The following TESPA1 variants were observed in gnomAD, a reference collection of about 807,000 sequenced individuals.
TESPA1 encodes thymocyte expressed, positive selection associated 1, also known as protein TESPA1.
TESPA1 carries 33 observed loss-of-function variants against 57.9 expected under a neutral mutation model. The observed-to-expected ratio is 0.57, with a 90% confidence interval of 0.43 to 0.76. TESPA1 has a LOEUF of 0.76. Among genes scored for constraint, TESPA1 ranks in the 30% least tolerant of loss-of-function variants. TESPA1 has a pLI of 0.00. For synonymous variants in TESPA1, 227 were observed against 228.9 expected (o/e 0.99, Z 0.07); for missense variants, 618 against 632.9 (o/e 0.98, Z 0.25).
intron 10 of TESPA1, among the ~76,000 whole-genome samples, chr12:54,954,215 T>C (rs1455273630): frequency 6.6e-6 from 1 of 152,230 alleles, no homozygotes; most frequent in Non-Finnish European, 1.5e-5. Flanking sequence ...CGGCCTTGGC[T>C]TGGATCTCAG....
rs775998366 is a variant in TESPA1 at position 54,974,605 on chromosome 12, G to A, written c.-43C>T. On this transcript the variant is annotated splice_region_variant and 5_prime_UTR_variant, in exon 2 of 11. The change creates a new upstream start codon in the 5' untranslated region. Coordinates refer to ENST00000449076, the MANE Select transcript of TESPA1 (RefSeq NM_001136030.3). ...CAGGGCCTCCCGTAACAGTAATGCC[G>A]TCCTAAGAGTTGAAAAACAGTGATA... 5.3e-5 allele frequency: 77 copies of A among 1,457,752 alleles called. No homozygotes were observed. Among genetic ancestry groups the A allele is most frequent in the Non-Finnish European group, 5.9e-5 (65 of 1,098,032 alleles). 90.3% of individuals were successfully genotyped at this position (1,457,752 alleles called of 1,614,324 possible). A position where few individuals can be genotyped will look rare whatever the true frequency, so the allele number is the denominator to read the frequency against.
rs1952430849 is a variant in TESPA1, at chr12:54,984,675, G to A, written c.-136C>T. Reference sequence around the variant, plus strand: ...AGGTGTGGGCACAGAGGTGAAGCAAGTGAGAAAGTATCATGTTGTAGATTA... The same window carrying A: ...AGGTGTGGGCACAGAGGTGAAGCAAATGAGAAAGTATCATGTTGTAGATTA... On this transcript the variant is annotated 5_prime_UTR_variant, in exon 1 of 11. Transcript: ENST00000449076. The A allele has an allele frequency of 6.6e-6, 1 of 152,266 alleles. No individual in the cohort carries two copies. The highest frequency in any genetic ancestry group is 1.5e-5 in the Non-Finnish European group (1 of 68,058). The allele number at this position is 152,266 out of a possible 1,614,324, so 9.4% of individuals were successfully genotyped here. A position where few individuals can be genotyped will look rare whatever the true frequency, so the allele number is the denominator to read the frequency against.
intron 10 of TESPA1, among the ~76,000 whole-genome samples, chr12:54,952,986 C>T (rs943492939): frequency 3.3e-5 from 5 of 151,922 alleles, no homozygotes; most frequent in African/African-American, 1.2e-4. Flanking sequence ...GATATTTTAC[C>T]TCCTGAATAT....
chr12:54,973,929 A>G, intron 2 of TESPA1: 2 of 1,036,864 alleles, frequency 1.9e-6, no homozygotes, highest in Non-Finnish European at 2.3e-6. Context: ...CTGTGGTCTC[A>G]TCTGAACCTC....
intron 1 of TESPA1, among the ~76,000 whole-genome samples, chr12:54,977,539 G>C (rs548550167): frequency 6.6e-6 from 1 of 152,338 alleles, no homozygotes; most frequent in African/African-American, 2.4e-5. Flanking sequence ...CCTATGTACA[G>C]AAGTTTTACT....
rs1324688293 is a variant in TESPA1, at chr12:54,948,948, T to G, written c.*1444A>C. 1 of 152,194 alleles carries G rather than the reference T, an allele frequency of 6.6e-6. No homozygotes were observed. The highest frequency in any genetic ancestry group is 2.4e-5 in the African/African-American group (1 of 41,446). The allele number at this position is 152,194 out of a possible 1,614,324, so 9.4% of individuals were successfully genotyped here. On this transcript the variant is annotated 3_prime_UTR_variant, in exon 11 of 11. Coordinates refer to ENST00000449076, the MANE Select transcript of TESPA1 (RefSeq NM_001136030.3). ...TCTATTTCTTGAGATCTAAATCTTC[T>G]TCCAGCCTCTTCCCAGTTTTACAAC...
Position 54,949,492 on chromosome 12 carries a change from G to A in TESPA1, c.*900C>T, listed in dbSNP as rs998887585. 6.6e-6 allele frequency: 1 copy of A among 151,610 alleles called. No individual in the cohort carries two copies. Among genetic ancestry groups the A allele is most frequent in the Non-Finnish European group, 1.5e-5 (1 of 67,948 alleles). The allele number at this position is 151,610 out of a possible 1,614,324, so 9.4% of individuals were successfully genotyped here. A position where few individuals can be genotyped will look rare whatever the true frequency, so the allele number is the denominator to read the frequency against. On this transcript the variant is annotated 3_prime_UTR_variant, in exon 11 of 11. Transcript: ENST00000449076. ...TCTATTAATATTAATATTTTCTCAG[G>A]GGAGAAATGTGTCCAAGATGCTCTG...
chr12:54,977,248 C>T (rs1166481660), intron 1 of TESPA1, among the ~76,000 whole-genome samples: 1 of 152,088 alleles, frequency 6.6e-6, no homozygotes, highest in Admixed American at 6.5e-5. Context: ...TTAATGAATA[C>T]TCATTGTCTA....
chr12:54,967,400 T>C (rs1951512448), intron 4 of TESPA1, among the ~76,000 whole-genome samples, 164 bp from the exon 5 acceptor site: 1 of 149,846 alleles, frequency 6.7e-6, no homozygotes, highest in African/African-American at 2.5e-5. Flanking sequence ...CCACAAACTG[T>C]ACATATATCA....
chr12:54,961,908 C>T (rs899808734), intron 9 of TESPA1, among the ~76,000 whole-genome samples: 1 of 152,130 alleles, frequency 6.6e-6, no homozygotes, highest in African/African-American at 2.4e-5. Flanking sequence ...TGCAAGGTCC[C>T]TTATGGTATA....
At chr12:54,983,325 C>T (rs567495936) in intron 1 of TESPA1, among the ~76,000 whole-genome samples, 1 of 152,104 alleles carries the variant, frequency 6.6e-6, no homozygotes, top group South Asian at 2.1e-4. Context: ...CTTTCTATCC[C>T]TTCTGCTATA....
rs1951249842 is a variant in TESPA1, at chr12:54,963,949, T to C, written c.448A>G (p.Ile150Val). 1 of 1,612,432 alleles carries C rather than the reference T, an allele frequency of 6.2e-7. No homozygotes were observed. Among genetic ancestry groups the C allele is most frequent in the South Asian group, 1.1e-5 (1 of 91,064 alleles). The change falls in exon 8 of 11, where the codon ATC (isoleucine) becomes GTC (valine). Residue 150 changes from isoleucine (I) to valine (V), a missense_variant and splice_region_variant. By Grantham distance (29) the Ile-to-Val change is conservative. Around this residue, in one of 3 missense-constraint regions of TESPA1, gnomAD observed 199 missense variants for 184.0 expected, o/e 1.08. Transcript: ENST00000449076. Reference protein sequence around the residue: ...TGGTNKTSSSISEILDKVQED... With the variant: ...TGGTNKTSSSVSEILDKVQED... Reference sequence around the variant, plus strand: ...TGCACTTTGTCCAGAATTTCTGAGATGCTGAAATGAGGGAGTTTGGGTAAA... The same window carrying C: ...TGCACTTTGTCCAGAATTTCTGAGACGCTGAAATGAGGGAGTTTGGGTAAA...
intron 6 of TESPA1, 77 bp from the exon 7 acceptor site, chr12:54,966,228 T>C: frequency 1.3e-6 from 2 of 1,563,228 alleles, no homozygotes; most frequent in Non-Finnish European, 1.7e-6. Flanking sequence ...CCTGCTGGAC[T>C]TATTCACCCC....
intron 1 of TESPA1, among the ~76,000 whole-genome samples, chr12:54,981,547 G>A (rs1952324817): frequency 6.6e-6 from 1 of 151,366 alleles, no homozygotes; most frequent in Non-Finnish European, 1.5e-5. Flanking sequence ...TTGTGCACGT[G>A]TACCCTAGAA....
At chr12:54,964,082 CTT>C in intron 7 of TESPA1, 132 bp from the exon 8 acceptor site, 1 of 949,360 alleles carries the variant, frequency 1.1e-6, no homozygotes, top group South Asian at 1.7e-5. Flanking sequence ...TTCACTGTGA[CTT>C]TGAGAAAAGC....
chr12:54,976,492 G>C (rs941890496), intron 1 of TESPA1, among the ~76,000 whole-genome samples: 1 of 152,048 alleles, frequency 6.6e-6, no homozygotes, highest in Non-Finnish European at 1.5e-5. Flanking sequence ...CAGGAAACCA[G>C]GAAGCCAGGA....
At chr12:54,967,444 C>T (rs751322749) in intron 4 of TESPA1, among the ~76,000 whole-genome samples, 9 of 151,456 alleles carry the variant, frequency 5.9e-5, no homozygotes, top group Non-Finnish European at 1.3e-4. Flanking sequence ...GATTCAGAAA[C>T]AATCATACAT....
intron 10 of TESPA1, among the ~76,000 whole-genome samples, chr12:54,957,867 T>A (rs911089621): frequency 1.3e-5 from 2 of 152,202 alleles, no homozygotes; most frequent in Non-Finnish European, 2.9e-5. Context: ...AAAAGACAAC[T>A]AAATTGGCTG....
At chr12:54,984,519 C>T (rs1459839378) in intron 1 of TESPA1, 66 bp downstream of exon 1, 2 of 152,158 alleles carry the variant, frequency 1.3e-5, no homozygotes, top group Non-Finnish European at 2.9e-5. Context: ...TGACATGTTT[C>T]CTTCTTTCTC....
Sources: allele counts gnomAD v4.1 joint callset (sites outside exome capture counted in the v4.1 genomes callset), GRCh38; gene constraint gnomAD v4.1.1; regional missense constraint gnomAD v4.1.1; transcripts MANE v1.5; gene names NCBI Gene and HGNC (gene_info 2026-07-23, HGNC 2026-07-21).